The following PIP5K1C variants were observed in gnomAD, a reference collection of about 807,000 sequenced individuals.
The protein encoded by PIP5K1C is phosphatidylinositol-4-phosphate 5-kinase type 1 gamma, also known as phosphatidylinositol 4-phosphate 5-kinase type-1 gamma.
A neutral mutation model predicts 80.1 loss-of-function variants in PIP5K1C; 45 were observed. That is an observed-to-expected ratio of 0.56 (90% CI 0.44 to 0.72). PIP5K1C has a LOEUF of 0.72. PIP5K1C is among the 30% of genes least tolerant of loss of function. PIP5K1C has a pLI of 0.00. For missense variants in PIP5K1C, 753 were observed against 954.6 expected, an observed-to-expected ratio of 0.79 and a Z score of 2.78; for synonymous variants, 498 against 420.1, an observed-to-expected ratio of 1.19 and a Z score of -2.27.
At chr19:3,675,913 C>T (rs2035342635) in intron 1 of PIP5K1C, among the ~76,000 whole-genome samples, 1 of 152,198 alleles carries the variant, frequency 6.6e-6, no homozygotes, top group Non-Finnish European at 1.5e-5. Context: ...CAGGATGACC[C>T]CAGGTGATGC....
In PIP5K1C at chr19:3,697,483, G is replaced by A. The variant is rs530876953; in HGVS notation, c.94+2814C>T. On this transcript the variant is annotated intron_variant, in intron 1 of 17. Coordinates refer to ENST00000335312, the MANE Select transcript of PIP5K1C (RefSeq NM_012398.3). ...GGACCGAGGAGGACCGAGCTGGACC[G>A]GGGAGGACCGAGCTGGACCAGGGAG... Among the ~76,000 whole-genome samples the A allele has an allele frequency of 1.2e-4, 18 of 151,344 alleles. 1 individual carries two copies. Among genetic ancestry groups the A allele is most frequent in the South Asian group, 1.1e-3 (5 of 4,750 alleles).
chr19:3,635,514 C>T (rs557507427), intron 16 of PIP5K1C, among the ~76,000 whole-genome samples: 1 of 152,220 alleles, frequency 6.6e-6, no homozygotes, highest in South Asian at 2.1e-4. Context: ...AAAACCCCAT[C>T]TCTTACTAAA....
At chr19:3,639,481 G>A (rs2033868390) in intron 15 of PIP5K1C, among the ~76,000 whole-genome samples, 1 of 152,202 alleles carries the variant, frequency 6.6e-6, no homozygotes, top group African/African-American at 2.4e-5. Context: ...AGCCAGGCTG[G>A]CGTGCAGTGC....
chr19:3,637,674 C>A lies in PIP5K1C; in HGVS notation c.1920+1210G>T. 6.6e-7 allele frequency: 1 copy of A among 1,506,566 alleles called. No individual in the cohort carries two copies. Among genetic ancestry groups the A allele is most frequent in the Non-Finnish European group, 8.8e-7 (1 of 1,131,048 alleles). The allele number at this position is 1,506,566 out of a possible 1,614,324, so 93.3% of individuals were successfully genotyped here. On this transcript the variant is annotated intron_variant, in intron 16 of 17. Transcript: ENST00000335312. The surrounding 1 kb of genome is among the most constrained non-coding windows in gnomAD (Gnocchi z 7.0). ...GGAAAACAGAGGACAGCGGATGAGG[C>A]GGCCACCCCCGTGGTCGGGTGGGAG...
Position 3,656,493 on chromosome 19 carries a change from T to C in PIP5K1C, c.533A>G (p.Tyr178Cys), listed in dbSNP as rs2034637789. ...GATGAACTCGTCGTCGCTGGTGACG[T>C]AGAAGAGGGAGCCACTGGCGCCCGG... Reference protein sequence around the residue: ...SNPGASGSLFYVTSDDEFIIK... With the variant: ...SNPGASGSLFCVTSDDEFIIK... The change falls in exon 6 of 18, where the codon TAC (tyrosine) becomes TGC (cysteine). Residue 178 changes from tyrosine to cysteine, a missense_variant. Around this residue, in one of 6 missense-constraint regions of PIP5K1C, gnomAD observed 139 missense variants for 289.7 expected, o/e 0.48. Transcript: ENST00000335312. 2 of 1,613,624 alleles carry C rather than the reference T, an allele frequency of 1.2e-6. No homozygotes were observed. The highest frequency in any genetic ancestry group is 1.7e-6 in the Non-Finnish European group (2 of 1,179,950).
rs2034306485 is a variant in PIP5K1C, at chr19:3,648,128, A to C, written c.1211+497T>G. Among the ~76,000 whole-genome samples the C allele has an allele frequency of 6.6e-6, 1 of 152,010 alleles. No homozygotes were observed. The highest frequency in any genetic ancestry group is 1.5e-5 in the Non-Finnish European group (1 of 67,996). On this transcript the variant is annotated intron_variant, in intron 9 of 17. Coordinates refer to ENST00000335312, the MANE Select transcript of PIP5K1C (RefSeq NM_012398.3). The surrounding 1 kb of genome is among the most constrained non-coding windows in gnomAD (Gnocchi z 4.3). ...CAGCCCCAGACTCCTGGGCCCAAGGAATCCTCCTGCCTCGGCCTCCCAAGT... is the reference window on the plus strand; with the variant it reads ...CAGCCCCAGACTCCTGGGCCCAAGGCATCCTCCTGCCTCGGCCTCCCAAGT...
At position 3,688,267 on chromosome 19, in the gene PIP5K1C, G is replaced by A. The variant is rs2035833722; in HGVS notation, c.94+12030C>T. ...TCCAGGGGCGCAGCGTCCCTCCGGG[G>A]AGTACAGTGTCCCTGAAGGGAATTC... On this transcript the variant is annotated intron_variant, in intron 1 of 17. Coordinates refer to ENST00000335312, the MANE Select transcript of PIP5K1C (RefSeq NM_012398.3). The surrounding 1 kb of genome is among the most constrained non-coding windows in gnomAD (Gnocchi z 5.3). Among the ~76,000 whole-genome samples, 1 of 152,226 alleles carries A rather than the reference G, an allele frequency of 6.6e-6. No individual in the cohort carries two copies. Among genetic ancestry groups the A allele is most frequent in the Non-Finnish European group, 1.5e-5 (1 of 68,038 alleles).
rs1002957235 is a variant in PIP5K1C, at chr19:3,658,345, G to A, written c.469-1788C>T. On this transcript the variant is annotated intron_variant, in intron 5 of 17. Transcript: ENST00000335312. ...GGTGCAGGGTGAGAGAGCCGTGTGG[G>A]GTGGACTCTGAGGCTGGAGGGAGAT... 2.0e-4 allele frequency among the ~76,000 whole-genome samples: 30 copies of A among 152,228 alleles called. 1 individual carries two copies. Among genetic ancestry groups the A allele is most frequent in the East Asian group, 7.7e-4 (4 of 5,186 alleles).
rs1190586108 is a variant in PIP5K1C at position 3,631,691 on chromosome 19, CT to C, written c.*1475del. On this transcript the variant is annotated 3_prime_UTR_variant, in exon 18 of 18. Transcript: ENST00000335312. ...GGTCCGGCTTCTCCACAGCAGGGGC[CT>C]TCCGGGCGCAGCGTGTGGGCTGTGC... is the stretch of plus-strand genomic sequence containing the variant. 1 of 152,462 alleles carries C rather than the reference CT, an allele frequency of 6.6e-6. No individual in the cohort carries two copies. The highest frequency in any genetic ancestry group is 1.9e-4 in the East Asian group (1 of 5,194). The allele number at this position is 152,462 out of a possible 1,614,324, so 9.4% of individuals were successfully genotyped here.
At chr19:3,697,004 TCGAGCTGGACCGAGGAGGAC>T (rs879578472) in intron 1 of PIP5K1C, among the ~76,000 whole-genome samples, 49 of 134,038 alleles carry the variant, frequency 3.7e-4, no homozygotes, top group African/African-American at 1.2e-3. Context: ...CGGAGGAGGA[TCGAGCTGGACCGAGGAGGAC>T]CGAGCTGGAC....
chr19:3,694,868 C>T (rs1002759062), intron 1 of PIP5K1C, among the ~76,000 whole-genome samples: 19 of 152,228 alleles, frequency 1.2e-4, no homozygotes, highest in Admixed American at 1.1e-3. Context: ...CACCGCCCAA[C>T]GCAGCCCGGC....
intron 11 of PIP5K1C, 96 bp from the exon 12 acceptor site, chr19:3,644,347 G>A (rs909597035): frequency 7.2e-6 from 9 of 1,251,512 alleles, no homozygotes; most frequent in African/African-American, 2.9e-5. Flanking sequence ...ACGTCCCTGT[G>A]GCCCACCAGA....
chr19:3,695,474 G>A (rs1029047633), intron 1 of PIP5K1C, among the ~76,000 whole-genome samples: 2 of 152,150 alleles, frequency 1.3e-5, no homozygotes, highest in African/African-American at 2.4e-5. Flanking sequence ...CAGCCATCAC[G>A]CCCACTTTAC....
intron 11 of PIP5K1C, among the ~76,000 whole-genome samples, chr19:3,644,699 A>T (rs1452255665): frequency 2.0e-5 from 3 of 152,206 alleles, no homozygotes; most frequent in Admixed American, 2.0e-4. Context: ...CTGAGCGCAG[A>T]TCCAGGCTCA....
In PIP5K1C at chr19:3,641,692, A is replaced by T. The variant is rs749999662; in HGVS notation, c.1787+13T>A. On this transcript the variant is annotated intron_variant, in intron 15 of 17. Coordinates refer to ENST00000335312, the MANE Select transcript of PIP5K1C (RefSeq NM_012398.3). Reference sequence around the variant, plus strand: ...AGGTGGGCGCCCCGACCTCCCGCCGAGGCCGTGCTCACCCTGCGTCCTCCT... The same window carrying T: ...AGGTGGGCGCCCCGACCTCCCGCCGTGGCCGTGCTCACCCTGCGTCCTCCT... The T allele has an allele frequency of 1.9e-6, 3 of 1,601,064 alleles. No homozygotes were observed. The South Asian group carries it at 3.3e-5, about 18-fold the overall frequency.
chr19:3,646,338 C>T (rs1274319467), intron 10 of PIP5K1C, among the ~76,000 whole-genome samples: 2 of 152,154 alleles, frequency 1.3e-5, no homozygotes, highest in Non-Finnish European at 2.9e-5. Context: ...TAAAGTATTC[C>T]GGCCAGGCAC....
chr19:3,644,888 A>G (rs1386015126), intron 11 of PIP5K1C, among the ~76,000 whole-genome samples: 2 of 152,192 alleles, frequency 1.3e-5, no homozygotes, highest in African/African-American at 4.8e-5. Flanking sequence ...AGCTCCTGGT[A>G]AACAGTAGGT....
At chr19:3,640,983 G>C (rs1317673260) in intron 15 of PIP5K1C, among the ~76,000 whole-genome samples, 1 of 152,104 alleles carries the variant, frequency 6.6e-6, no homozygotes, top group Non-Finnish European at 1.5e-5. Flanking sequence ...CACCGTGCCT[G>C]GCCAAGGTCA....
chr19:3,672,150 G>A (rs2035226386), intron 1 of PIP5K1C, among the ~76,000 whole-genome samples: 1 of 152,192 alleles, frequency 6.6e-6, no homozygotes, highest in Non-Finnish European at 1.5e-5. Flanking sequence ...GTGTGCCCAG[G>A]GCTTCTCTCT....
Sources: allele counts gnomAD v4.1 joint callset (sites outside exome capture counted in the v4.1 genomes callset), GRCh38; gene constraint gnomAD v4.1.1; regional missense constraint gnomAD v4.1.1; non-coding constraint Gnocchi (gnomAD v3.1); transcripts MANE v1.5; gene names NCBI Gene and HGNC (gene_info 2026-07-23, HGNC 2026-07-21).